Variants in NOTUM observed in about 807,000 individuals in gnomAD.
NOTUM encodes the protein notum, palmitoleoyl-protein carboxylesterase.
Under a neutral mutation model 65.5 loss-of-function variants are expected in NOTUM, and 36 were observed. That is an observed-to-expected ratio of 0.55 (90% confidence interval 0.42 to 0.73). The LOEUF (loss-of-function observed/expected upper bound fraction) is 0.73. Among genes scored for constraint, NOTUM ranks in the 30% least tolerant of loss-of-function variants. The pLI, the probability that NOTUM is intolerant of heterozygous loss-of-function variation, is 0.00. For synonymous variants in NOTUM, 356 were observed against 297.9 expected, an observed-to-expected ratio of 1.20 and a Z score of -2.01; for missense variants, 659 against 694.2, an observed-to-expected ratio of 0.95 and a Z score of 0.57.
chr17:81,955,251 G>T, intron 9 of NOTUM, 146 bp downstream of exon 9: 1 of 714,560 alleles, frequency 1.4e-6, no homozygotes, highest in Non-Finnish European at 2.3e-6. Context: ...AAAGTGCTGG[G>T]ATTATAGGTG....
intron 4 of NOTUM, 133 bp downstream of exon 4, chr17:81,958,802 C>T (rs1202688984): frequency 7.2e-6 from 5 of 691,122 alleles, no homozygotes; most frequent in Non-Finnish European, 1.3e-5. Context: ...TAGGACAGGA[C>T]CTCCCCAAAA....
rs1294028467 is a variant in NOTUM at position 81,953,786 on chromosome 17, C to CT, written c.1184+469dup. Among the ~76,000 whole-genome samples, 350 of 122,646 alleles carry CT rather than the reference C, an allele frequency of 2.9e-3. 2 individuals carry two copies. Among genetic ancestry groups the CT allele is most frequent in the African/African-American group, 9.7e-3 (319 of 32,748 alleles). The allele number at this position is 122,646 out of a possible 152,430, so 80.5% of individuals were successfully genotyped here. ...TCAGCCTGAGTCTTTTTTTTTTTTT[C>CT]TTTTTTTTTTGAGATGGAGTTTCAC... On this transcript the variant is annotated intron_variant, in intron 10 of 10. Coordinates refer to ENST00000409678, the MANE Select transcript of NOTUM (RefSeq NM_178493.6).
rs554935225 is a variant in NOTUM at position 81,954,657 on chromosome 17, G to A, written c.1137-354C>T. On this transcript the variant is annotated intron_variant, in intron 9 of 10. Coordinates refer to ENST00000409678, the MANE Select transcript of NOTUM (RefSeq NM_178493.6). ...CCAGCTGGAGTGTAGTGGTACAATC[G>A]AAGCTTGCTTGCCTCCCACAGGCAA... 9.9e-5 allele frequency among the ~76,000 whole-genome samples: 15 copies of A among 152,242 alleles called. No homozygotes were observed. In the South Asian group the frequency reaches 2.9e-3, roughly 29 times the overall value.
chr17:81,954,468 C>T (rs896151727), intron 9 of NOTUM, among the ~76,000 whole-genome samples, 165 bp from the exon 10 acceptor site: 9 of 152,220 alleles, frequency 5.9e-5, no homozygotes, highest in African/African-American at 2.2e-4. Flanking sequence ...CAGCTCCCGG[C>T]TGACCCTTAT....
rs1046114937 is a variant in NOTUM at position 81,959,636 on chromosome 17, G to A, written c.376+4C>T. 4.5e-6 allele frequency: 7 copies of A among 1,544,138 alleles called. No individual in the cohort carries two copies. Among genetic ancestry groups the A allele is most frequent in the Non-Finnish European group, 6.1e-6 (7 of 1,144,834 alleles). On this transcript the variant is annotated splice_donor_region_variant and intron_variant, in intron 2 of 10. Coordinates refer to ENST00000409678, the MANE Select transcript of NOTUM (RefSeq NM_178493.6). ...GCCTCCCCCCGCCTCAGCCCTGGAC[G>A]CACCTTCCAGGAAGAGGAGCCACCG...
At chr17:81,953,329 T>G in intron 10 of NOTUM, 62 bp from the exon 11 acceptor site, 1 of 1,144,300 alleles carries the variant, frequency 8.7e-7, no homozygotes. Flanking sequence ...CTGAGGCAGC[T>G]GTTTTTTTTT....
In NOTUM at chr17:81,960,528, G is replaced by A. The variant is rs1249743419; in HGVS notation, c.323+59C>T. On this transcript the variant is annotated intron_variant, in intron 1 of 10. Transcript: ENST00000409678. The surrounding 1 kb of genome is among the most constrained non-coding windows in gnomAD (Gnocchi z 6.4). ...AGAACGGCCGCGGCCCGCAGGGAAG[G>A]TCCAGCCGGAGACCGGGCGCGTCGG... 50 of 1,246,590 alleles carry A rather than the reference G, an allele frequency of 4.0e-5. No individual in the cohort carries two copies. Among genetic ancestry groups the A allele is most frequent in the Non-Finnish European group, 5.3e-5 (49 of 925,228 alleles). 77.2% of individuals were successfully genotyped at this position (1,246,590 alleles called of 1,614,324 possible).
chr17:81,956,833 C>T, intron 7 of NOTUM, 50 bp downstream of exon 7: 1 of 1,597,330 alleles, frequency 6.3e-7, no homozygotes, highest in Non-Finnish European at 8.5e-7. Flanking sequence ...CACCCAGGCC[C>T]TTCTGGGGCA....
At chr17:81,959,044 G>A (rs768041258) in intron 3 of NOTUM, 49 bp from the exon 4 acceptor site, 5 of 1,542,502 alleles carry the variant, frequency 3.2e-6, no homozygotes, top group Admixed American at 3.3e-5. Context: ...AGGCTGTGTA[G>A]GGTCGGGTCT....
At position 81,960,227 on chromosome 17, in the gene NOTUM, GC is replaced by G. The variant is rs1170012050; in HGVS notation, c.323+359del. On this transcript the variant is annotated intron_variant, in intron 1 of 10. Coordinates refer to ENST00000409678, the MANE Select transcript of NOTUM (RefSeq NM_178493.6). This position sits in a 1 kb window ranked among gnomAD's most constrained non-coding sequence, Gnocchi z 6.4. Reference sequence around the variant, plus strand: ...CCTCACGTCTTTTATCTACTTCGGGGCTGCAAGGAGGTGGGCAGCGGGCCTC... The same window carrying G: ...CCTCACGTCTTTTATCTACTTCGGGGTGCAAGGAGGTGGGCAGCGGGCCTC... Among the ~76,000 whole-genome samples, 6 of 152,220 alleles carry G rather than the reference GC, an allele frequency of 3.9e-5. No homozygotes were observed. The highest frequency in any genetic ancestry group is 1.4e-4 in the African/African-American group (6 of 41,454).
intron 10 of NOTUM, among the ~76,000 whole-genome samples, chr17:81,953,876 G>A (rs992419965): frequency 6.6e-6 from 1 of 151,582 alleles, no homozygotes; most frequent in Non-Finnish European, 1.5e-5. Context: ...CTGTCTCCCA[G>A]GTTCAAGCGA....
In NOTUM at chr17:81,956,909, G is replaced by T. The variant is rs2041437857; in HGVS notation, c.861C>A (p.Pro287=). Residue 287 remains proline, a synonymous_variant, in exon 7 of 11, where the codon CCC becomes CCA. Coordinates refer to ENST00000409678, the MANE Select transcript of NOTUM (RefSeq NM_178493.6). ...TDCVDTITCA[P]TEAIRRGIRY... ...TGATGCCACGGCGGATGGCCTCCGTGGGCGCGCACGTGATCGTGTCGACGC... is the reference window on the plus strand; with the variant it reads ...TGATGCCACGGCGGATGGCCTCCGTTGGCGCGCACGTGATCGTGTCGACGC... 6.2e-7 allele frequency: 1 copy of T among 1,611,746 alleles called. No individual in the cohort carries two copies. The highest frequency in any genetic ancestry group is 2.2e-5 in the East Asian group (1 of 44,866).
intron 3 of NOTUM, 88 bp downstream of exon 3, chr17:81,959,383 G>T: frequency 2.0e-6 from 2 of 1,021,446 alleles, no homozygotes. Context: ...GATGTGCGGG[G>T]TGGGGGCCTG....
intron 10 of NOTUM, 106 bp downstream of exon 10, chr17:81,954,150 A>T: frequency 1.3e-6 from 1 of 761,266 alleles, no homozygotes; most frequent in Non-Finnish European, 2.3e-6. Context: ...TCCCACCCCT[A>T]GAAGCGCCAA....
In NOTUM at chr17:81,958,359, C is replaced by T. The variant is rs2041449041; in HGVS notation, c.568G>A (p.Gly190Arg). 10 of 1,610,752 alleles carry T rather than the reference C, an allele frequency of 6.2e-6. No homozygotes were observed. The highest frequency in any genetic ancestry group is 7.6e-6 in the Non-Finnish European group (9 of 1,178,318). ...CTCTTCTCAGACTTGGATGAAGCCC[C>T]GCTCCAAACATCACTGGAGCAGTAG... ...IPYCSSDVWS[G>R]ASSKSEKNEY... The change falls in exon 5 of 11, where the codon GGG (glycine) becomes AGG (arginine). Residue 190 changes from glycine (G) to arginine (R), a missense_variant. Physicochemically the swap from Gly to Arg is moderately radical, Grantham distance 125. Transcript: ENST00000409678.
At chr17:81,957,629 C>T (rs974467666) in intron 6 of NOTUM, among the ~76,000 whole-genome samples, 177 bp downstream of exon 6, 2 of 152,146 alleles carry the variant, frequency 1.3e-5, no homozygotes, top group East Asian at 1.9e-4. Flanking sequence ...GCCTCAGAGA[C>T]GTCTCCAATG....
rs1463318403 is a variant in NOTUM, at chr17:81,952,683, C to T, written c.*278G>A. On this transcript the variant is annotated 3_prime_UTR_variant, in exon 11 of 11. Coordinates refer to ENST00000409678, the MANE Select transcript of NOTUM (RefSeq NM_178493.6). ...GGTGGGTGCTGTCTGAGCTGGTGGA[C>T]TGAGGAATCCAGTGCTTCTCTTCTG... is the stretch of plus-strand genomic sequence containing the variant. The T allele has an allele frequency of 1.9e-6, 1 of 519,922 alleles. No individual in the cohort carries two copies. Among genetic ancestry groups the T allele is most frequent in the Non-Finnish European group, 3.4e-6 (1 of 292,934 alleles). The allele number at this position is 519,922 out of a possible 1,614,324, so 32.2% of individuals were successfully genotyped here.
chr17:81,959,538 G>A lies in NOTUM; in HGVS notation c.405C>T (p.Asn135=), dbSNP rs1267374829. 15 of 1,549,138 alleles carry A rather than the reference G, an allele frequency of 9.7e-6. No individual in the cohort carries two copies. Among genetic ancestry groups the A allele is most frequent in the Admixed American group, 2.0e-5 (1 of 50,966 alleles). Residue 135 remains asparagine, a synonymous_variant, in exon 3 of 11, where the codon AAC becomes AAT. Coordinates refer to ENST00000409678, the MANE Select transcript of NOTUM (RefSeq NM_178493.6). ...GCATGGTGTCGTATCTGGAGTCGCA[G>A]TTCTCGCGGTTGAAGCAGTACCAGC... ...EGGWYCFNRE[N]CDSRYDTMRR...
At chr17:81,957,692 C>T in intron 6 of NOTUM, 114 bp downstream of exon 6, 2 of 727,666 alleles carry the variant, frequency 2.7e-6, no homozygotes, top group South Asian at 3.4e-5. Context: ...CTGCCAAGAT[C>T]TGCACAGGCT....
Sources: gnomAD v4.1 joint callset for allele counts (sites outside exome capture counted in the v4.1 genomes callset) on GRCh38, gnomAD v4.1.1 for gene constraint, Gnocchi (gnomAD v3.1) non-coding constraint, MANE v1.5 for transcripts, NCBI Gene and HGNC (gene_info 2026-07-23, HGNC 2026-07-21) for gene names.